NRG3: variants seen among roughly 807,000 people sequenced by gnomAD.
The protein encoded by NRG3 is pro-neuregulin-3, membrane-bound isoform.
A neutral mutation model predicts 66.9 loss-of-function variants in NRG3; 31 were observed. That is an observed-to-expected ratio of 0.46 (90% CI 0.35 to 0.63). The LOEUF is 0.63. Ranked by LOEUF, NRG3 falls within the 20% of genes least tolerant of loss-of-function variation. The probability of loss-of-function intolerance (pLI) is 0.00; values close to 1 mark genes in which losing one functional copy is unlikely to be tolerated. For synonymous variants in NRG3, 393 were observed against 359.4 expected (o/e 1.09, Z -1.06); for missense variants, 910 against 878.9 (o/e 1.04, Z -0.45).
intron 1 of NRG3, among the ~76,000 whole-genome samples, chr10:81,999,092 G>A (rs1352970122): frequency 2.0e-5 from 3 of 152,160 alleles, no homozygotes; most frequent in Non-Finnish European, 2.9e-5. Flanking sequence ...CGTGAGCCAC[G>A]GTGCCTGGGC....
At chr10:82,345,454 T>C (rs1463385913) in intron 1 of NRG3, among the ~76,000 whole-genome samples, 2 of 151,926 alleles carry the variant, frequency 1.3e-5, no homozygotes, top group African/African-American at 4.9e-5. Flanking sequence ...CCATGCTGTT[T>C]TGGTTACTAT....
chr10:82,069,310 G>A (rs919153837), intron 1 of NRG3, among the ~76,000 whole-genome samples: 7 of 152,134 alleles, frequency 4.6e-5, no homozygotes, highest in Non-Finnish European at 7.3e-5. Context: ...CACGAAAAGA[G>A]GCAAAGCGTG....
intron 4 of NRG3, among the ~76,000 whole-genome samples, chr10:82,897,203 T>G (rs1296537521): frequency 1.3e-5 from 2 of 152,190 alleles, no homozygotes; most frequent in Non-Finnish European, 2.9e-5. Context: ...TTCTCAATAT[T>G]TACTGCAGAA....
chr10:81,971,984 G>A (rs1300238952), intron 1 of NRG3, among the ~76,000 whole-genome samples: 1 of 152,116 alleles, frequency 6.6e-6, no homozygotes, highest in Non-Finnish European at 1.5e-5. Context: ...TACCCAAAAT[G>A]GTTAGTGGGA....
At chr10:82,348,450 T>C (rs2083184566) in intron 1 of NRG3, among the ~76,000 whole-genome samples, 1 of 150,474 alleles carries the variant, frequency 6.6e-6, no homozygotes, top group East Asian at 2.0e-4. Context: ...GTTAGTCTGA[T>C]GGGCTTCCCT....
intron 2 of NRG3, among the ~76,000 whole-genome samples, chr10:82,650,098 G>A (rs561145011): frequency 8.9e-4 from 135 of 152,260 alleles, no homozygotes; most frequent in Non-Finnish European, 1.5e-3. Context: ...ATTTCTTGGA[G>A]TCCAGTGAAA....
intron 1 of NRG3, among the ~76,000 whole-genome samples, chr10:82,098,299 CATAT>C (rs530097525): frequency 1.3e-5 from 2 of 150,216 alleles, no homozygotes; most frequent in Non-Finnish European, 3.0e-5. Flanking sequence ...ATATATATGT[CATAT>C]ATATAGATAT....
At chr10:82,665,146 TG>T (rs1308019869) in intron 2 of NRG3, among the ~76,000 whole-genome samples, 1 of 152,178 alleles carries the variant, frequency 6.6e-6, no homozygotes, top group Non-Finnish European at 1.5e-5. Flanking sequence ...TCCTGAAACC[TG>T]ATTGCACCTT....
At chr10:82,292,474 G>A (rs2079804866) in intron 1 of NRG3, among the ~76,000 whole-genome samples, 1 of 152,038 alleles carries the variant, frequency 6.6e-6, no homozygotes, top group Admixed American at 6.6e-5. Flanking sequence ...CACAGTACTT[G>A]CACTCTTGCA....
At chr10:82,951,392 T>G in intron 4 of NRG3, 77 bp from the exon 5 acceptor site, 2 of 1,174,400 alleles carry the variant, frequency 1.7e-6, no homozygotes, top group Non-Finnish European at 2.5e-6. Context: ...TCCTACCAGC[T>G]CAGAAGTACA....
chr10:82,471,397 G>C (rs1841246770), intron 2 of NRG3, among the ~76,000 whole-genome samples: 1 of 152,064 alleles, frequency 6.6e-6, no homozygotes, highest in Admixed American at 6.6e-5. Context: ...CTGTTACCTG[G>C]TTGCCTGCTG....
intron 1 of NRG3, among the ~76,000 whole-genome samples, chr10:82,027,991 T>G (rs1564749989): frequency 6.6e-6 from 1 of 152,156 alleles, no homozygotes; most frequent in East Asian, 1.9e-4. Context: ...CACTGCACTC[T>G]TTTTGGCTGG....
chr10:82,638,241 C>T (rs201642855), intron 2 of NRG3, among the ~76,000 whole-genome samples: 7 of 152,042 alleles, frequency 4.6e-5, no homozygotes, highest in African/African-American at 1.2e-4. Flanking sequence ...AGGAACATAC[C>T]GATTTCCATG....
At chr10:82,181,697 T>TGTAC (rs1387228536) in intron 1 of NRG3, among the ~76,000 whole-genome samples, 1 of 151,896 alleles carries the variant, frequency 6.6e-6, no homozygotes, top group Non-Finnish European at 1.5e-5. Context: ...TCCTGTAGAA[T>TGTAC]GTACTGTGTA....
At chr10:82,131,070 G>T (rs1470802314) in intron 1 of NRG3, among the ~76,000 whole-genome samples, 1 of 151,972 alleles carries the variant, frequency 6.6e-6, no homozygotes, top group East Asian at 1.9e-4. Flanking sequence ...GTCTATTTTT[G>T]CTTTGGTTGC....
At chr10:82,221,462 A>G (rs1457571758) in intron 1 of NRG3, among the ~76,000 whole-genome samples, 3 of 152,098 alleles carry the variant, frequency 2.0e-5, no homozygotes, top group South Asian at 2.1e-4. Context: ...GCTTCAATCA[A>G]TTCCTCTGAC....
At chr10:81,919,668 C>A (rs1369834134) in intron 1 of NRG3, among the ~76,000 whole-genome samples, 3 of 151,960 alleles carry the variant, frequency 2.0e-5, no homozygotes, top group African/African-American at 7.2e-5. Context: ...CAGGTTCCCC[C>A]AAAAATTATT....
intron 2 of NRG3, among the ~76,000 whole-genome samples, chr10:82,366,489 A>G (rs967520352): frequency 2.0e-5 from 3 of 152,170 alleles, no homozygotes; most frequent in Non-Finnish European, 4.4e-5. Flanking sequence ...ATTATTTGTT[A>G]CATTCTGCAA....
At chr10:82,574,269 G>C (rs1453145242) in intron 2 of NRG3, among the ~76,000 whole-genome samples, 1 of 151,734 alleles carries the variant, frequency 6.6e-6, no homozygotes, top group Non-Finnish European at 1.5e-5. Flanking sequence ...ATAATGTCAA[G>C]TGAAATAAGC....
Sources: allele counts gnomAD v4.1 joint callset (sites outside exome capture counted in the v4.1 genomes callset), GRCh38; gene constraint gnomAD v4.1.1; transcripts MANE v1.5; gene names NCBI Gene and HGNC (gene_info 2026-07-23, HGNC 2026-07-21).